The following POP1 variants were observed in gnomAD, a reference collection of about 807,000 sequenced individuals.
POP1 encodes the protein POP1 ribonuclease P/MRP subunit, also known as ribonucleases P/MRP protein subunit POP1.
POP1 carries 75 observed loss-of-function variants against 102.2 expected under a neutral mutation model. The ratio of observed to expected loss-of-function variants is 0.73; its 90% CI spans 0.61 to 0.89. The LOEUF is 0.89. POP1 is among the 40% of genes least tolerant of loss of function. POP1 has a pLI of 0.00. For synonymous variants in POP1, 436 were observed against 464.1 expected (o/e 0.94, Z 0.78); for missense variants, 1,116 against 1,267.4 (o/e 0.88, Z 1.81).
At chr8:98,153,828 G>A (rs1809581190) in intron 14 of POP1, among the ~76,000 whole-genome samples, 1 of 152,120 alleles carries the variant, frequency 6.6e-6, no homozygotes, top group Non-Finnish European at 1.5e-5. Flanking sequence ...GAGTCACCGT[G>A]CCCGGCCCTG....
rs774510819 is a variant in POP1 at position 98,157,726 on chromosome 8, G to T, written c.2530G>T (p.Ala844Ser). Residue 844 changes from alanine to serine, a missense_variant, in exon 16 of 16, where the codon GCT (alanine) becomes TCT (serine). Coordinates refer to ENST00000401707, the MANE Select transcript of POP1 (RefSeq NM_001145860.2). ...AGGCCAGCAAGGATTGACCAGAGAG[G>T]CTTGCCTGTCCATCTTGGGCCACTT... is the stretch of plus-strand genomic sequence containing the variant. The part of the protein sequence containing the change: ...GRGQQGLTRE[A>S]CLSILGHFPR... 1 of 1,614,200 alleles carries T rather than the reference G, an allele frequency of 6.2e-7. No homozygotes were observed. The highest frequency in any genetic ancestry group is 1.1e-5 in the South Asian group (1 of 91,078).
At chr8:98,118,176 C>A (rs1290286745) in intron 1 of POP1, among the ~76,000 whole-genome samples, 2 of 152,136 alleles carry the variant, frequency 1.3e-5, no homozygotes, top group Admixed American at 1.3e-4. Flanking sequence ...ACCTTCTGAT[C>A]TTTTTCATTG....
At chr8:98,135,624 A>AT (rs1016869654) in intron 7 of POP1, among the ~76,000 whole-genome samples, 8 of 151,674 alleles carry the variant, frequency 5.3e-5, no homozygotes, top group African/African-American at 1.5e-4. Flanking sequence ...CAGTTTCAAA[A>AT]TTTTTTTTTG....
In POP1 at chr8:98,148,754, C is replaced by A. The variant is rs530659580; in HGVS notation, c.1711-61C>A. On this transcript the variant is annotated intron_variant, in intron 12 of 15. Transcript: ENST00000401707. ...TTTTCTAAAGCTGCTTATAGGGAGA[C>A]CCAGGAGGATCTCCCAGAAGACTAG... 2.8e-3 allele frequency: 3,950 copies of A among 1,400,850 alleles called. 9 individuals are homozygous for A. The highest frequency in any genetic ancestry group is 3.5e-3 in the Non-Finnish European group (3,450 of 999,656). The allele number at this position is 1,400,850 out of a possible 1,614,324, so 86.8% of individuals were successfully genotyped here. A position where few individuals can be genotyped will look rare whatever the true frequency, so the allele number is the denominator to read the frequency against.
At chr8:98,125,213 T>A (rs528768334) in intron 2 of POP1, among the ~76,000 whole-genome samples, 1 of 138,924 alleles carries the variant, frequency 7.2e-6, no homozygotes, top group South Asian at 2.4e-4. Context: ...TGAGGCAGAG[T>A]CTTGCTCTGT....
At chr8:98,134,155 A>T in intron 6 of POP1, 119 bp downstream of exon 6, 1 of 776,960 alleles carries the variant, frequency 1.3e-6, no homozygotes. Context: ...GTGAGACACT[A>T]ATCATTCCCA....
intron 11 of POP1, among the ~76,000 whole-genome samples, chr8:98,144,868 G>A (rs1243705188): frequency 6.6e-6 from 1 of 152,094 alleles, no homozygotes; most frequent in African/African-American, 2.4e-5. Context: ...TGAAGCTGCT[G>A]TGGCTTTTAA....
At chr8:98,131,164 G>T (rs1816369376) in intron 5 of POP1, among the ~76,000 whole-genome samples, 1 of 152,138 alleles carries the variant, frequency 6.6e-6, no homozygotes, top group Admixed American at 6.5e-5. Context: ...TAGTTCTGTG[G>T]CATTAAGTAC....
intron 12 of POP1, among the ~76,000 whole-genome samples, chr8:98,147,346 AGGAAGTAAGAAAAGCAT>A (rs1809382350): frequency 6.6e-6 from 1 of 152,246 alleles, no homozygotes; most frequent in Non-Finnish European, 1.5e-5. Flanking sequence ...ATAAGATTGC[AGGAAGTAAGAAAAGCAT>A]GTACAGGAGC....
chr8:98,118,301 C>A (rs1815906637), intron 1 of POP1, among the ~76,000 whole-genome samples: 1 of 152,206 alleles, frequency 6.6e-6, no homozygotes, highest in Non-Finnish European at 1.5e-5. Context: ...ACTGTGGATT[C>A]CTGAATACTC....
intron 1 of POP1, chr8:98,117,754 C>T (rs1815885508): frequency 6.4e-6 from 1 of 156,446 alleles, no homozygotes; most frequent in South Asian, 1.8e-4. Context: ...CCTGTGTTCC[C>T]TTCTCTAGGG....
At chr8:98,142,608 C>CA (rs1281546340) in intron 11 of POP1, among the ~76,000 whole-genome samples, 1 of 152,114 alleles carries the variant, frequency 6.6e-6, no homozygotes, top group African/African-American at 2.4e-5. Flanking sequence ...TAGTATTTGC[C>CA]AATTTGCTTT....
chr8:98,140,446 A>T (rs559369456), intron 10 of POP1, among the ~76,000 whole-genome samples: 1 of 152,362 alleles, frequency 6.6e-6, no homozygotes, highest in Middle Eastern at 3.4e-3. Context: ...TACACCAGGT[A>T]CTGACCTAAA....
At chr8:98,137,161 G>T (rs1586238610) in intron 9 of POP1, among the ~76,000 whole-genome samples, 1 of 152,158 alleles carries the variant, frequency 6.6e-6, no homozygotes, top group African/African-American at 2.4e-5. Flanking sequence ...TAAACTGACT[G>T]TTCTTACTTA....
intron 7 of POP1, 56 bp downstream of exon 7, chr8:98,134,715 T>C: frequency 6.7e-7 from 1 of 1,489,516 alleles, no homozygotes; most frequent in Non-Finnish European, 9.4e-7. Context: ...TAATTACTGC[T>C]GGAAGTCAAT....
intron 6 of POP1, among the ~76,000 whole-genome samples, 160 bp from the exon 7 acceptor site, chr8:98,134,312 G>A (rs1816467240): frequency 6.6e-6 from 1 of 152,196 alleles, no homozygotes; most frequent in African/African-American, 2.4e-5. Flanking sequence ...ACACATATTT[G>A]TTGAGAACTT....
chr8:98,157,495 G>A (rs1280263538), intron 15 of POP1, 122 bp from the exon 16 acceptor site: 12 of 1,156,562 alleles, frequency 1.0e-5, no homozygotes, highest in South Asian at 2.8e-5. Flanking sequence ...TTAAAAAATT[G>A]TAGTTTTGAT....
chr8:98,157,744 G>A lies in POP1; in HGVS notation c.2548G>A (p.Gly850Ser). ...CAGAGAGGCTTGCCTGTCCATCTTG[G>A]GCCACTTCCCCAGGGCCCTGGTTTG... ...LTREACLSIL[G>S]HFPRALVWVS... Residue 850 changes from glycine (G) to serine (S), a missense_variant, in exon 16 of 16, where the codon GGC (glycine) becomes AGC (serine). Physicochemically the swap from Gly to Ser is moderately conservative, Grantham distance 56. Coordinates refer to ENST00000401707, the MANE Select transcript of POP1 (RefSeq NM_001145860.2). 1 of 1,614,172 alleles carries A rather than the reference G, an allele frequency of 6.2e-7. No homozygotes were observed. The highest frequency in any genetic ancestry group is 8.5e-7 in the Non-Finnish European group (1 of 1,180,028).
chr8:98,144,549 A>G (rs922013366), intron 11 of POP1, among the ~76,000 whole-genome samples: 1 of 152,210 alleles, frequency 6.6e-6, no homozygotes, highest in Non-Finnish European at 1.5e-5. Flanking sequence ...TGCTAGGATT[A>G]CAGGCGTGAG....
Sources: allele counts gnomAD v4.1 joint callset (sites outside exome capture counted in the v4.1 genomes callset), GRCh38; gene constraint gnomAD v4.1.1; transcripts MANE v1.5; gene names NCBI Gene and HGNC (gene_info 2026-07-23, HGNC 2026-07-21).